SPSB4: variants seen among roughly 807,000 people sequenced by gnomAD.
SPSB4 encodes splA/ryanodine receptor domain and SOCS box containing 4.
A neutral mutation model predicts 20.9 loss-of-function variants in SPSB4; 21 were observed. The observed-to-expected ratio is 1.01, with a 90% CI of 0.71 to 1.45. SPSB4 has a LOEUF of 1.45. Among genes scored for constraint, SPSB4 ranks in the 40% most tolerant of loss-of-function variants. SPSB4 has a pLI of 0.00. For synonymous variants in SPSB4, 207 were observed against 183.8 expected (o/e 1.13, Z -1.02); for missense variants, 399 against 399.2 (o/e 1.00, Z 0.00).
At chr3:141,145,855 C>T (rs1231708594) in intron 2 of SPSB4, among the ~76,000 whole-genome samples, 1 of 152,094 alleles carries the variant, frequency 6.6e-6, no homozygotes, top group Non-Finnish European at 1.5e-5. Flanking sequence ...TTTGCCTTTG[C>T]CTGTTCTCTC....
At chr3:141,055,726 G>T (rs949655437) in intron 1 of SPSB4, among the ~76,000 whole-genome samples, 1 of 152,206 alleles carries the variant, frequency 6.6e-6, no homozygotes, top group Non-Finnish European at 1.5e-5. Flanking sequence ...GCATGTGAGA[G>T]AGGGAAGAGG....
chr3:141,054,971 A>G (rs1406028404), intron 1 of SPSB4, among the ~76,000 whole-genome samples: 2 of 152,216 alleles, frequency 1.3e-5, no homozygotes. Context: ...TCTCAAAAAA[A>G]AAAAAAAAAT....
chr3:141,078,314 T>A (rs905166360), intron 2 of SPSB4, among the ~76,000 whole-genome samples: 1 of 152,202 alleles, frequency 6.6e-6, no homozygotes, highest in Admixed American at 6.5e-5. Context: ...GGAACGTGTG[T>A]GTCACAAGCT....
intron 1 of SPSB4, among the ~76,000 whole-genome samples, chr3:141,055,241 G>A (rs1001803376): frequency 1.4e-4 from 22 of 152,180 alleles, no homozygotes; most frequent in Non-Finnish European, 2.9e-4. Flanking sequence ...GCGGAGGGAA[G>A]AGGATGTAGT....
intron 2 of SPSB4, among the ~76,000 whole-genome samples, chr3:141,134,219 G>A (rs1219268313): frequency 6.6e-6 from 1 of 151,644 alleles, no homozygotes; most frequent in East Asian, 1.9e-4. Flanking sequence ...TTTTAGATGA[G>A]TCTTTAGGGT....
chr3:141,060,734 A>G (rs188138702), intron 1 of SPSB4, among the ~76,000 whole-genome samples: 2 of 152,328 alleles, frequency 1.3e-5, no homozygotes, highest in Non-Finnish European at 2.9e-5. Context: ...GTTTATATCC[A>G]CTTTAGCAAT....
chr3:141,128,376 C>A (rs1163268029), intron 2 of SPSB4, among the ~76,000 whole-genome samples: 1 of 152,156 alleles, frequency 6.6e-6, no homozygotes, highest in African/African-American at 2.4e-5. Flanking sequence ...AAAGCCCTGA[C>A]AAACACTGGG....
chr3:141,126,582 C>A (rs1202434897), intron 2 of SPSB4, among the ~76,000 whole-genome samples: 1 of 152,220 alleles, frequency 6.6e-6, no homozygotes, highest in Non-Finnish European at 1.5e-5. Context: ...GTATCAACCC[C>A]AGAGGATCTT....
intron 2 of SPSB4, among the ~76,000 whole-genome samples, chr3:141,123,126 A>G (rs1460522769): frequency 6.6e-6 from 1 of 152,240 alleles, no homozygotes; most frequent in Non-Finnish European, 1.5e-5. Flanking sequence ...AACTTCTGAT[A>G]TACAGAATTG....
intron 2 of SPSB4, among the ~76,000 whole-genome samples, chr3:141,113,549 T>C (rs1405435186): frequency 2.0e-5 from 3 of 152,258 alleles, no homozygotes; most frequent in African/African-American, 7.2e-5. Context: ...AAAGGTCTCA[T>C]TATATGATTC....
intron 2 of SPSB4, among the ~76,000 whole-genome samples, chr3:141,138,881 G>A (rs1167554430): frequency 6.6e-6 from 1 of 152,106 alleles, no homozygotes; most frequent in South Asian, 2.1e-4. Context: ...TTCAATTCCT[G>A]GATATCCTTG....
chr3:141,135,734 G>T (rs889764847), intron 2 of SPSB4, among the ~76,000 whole-genome samples: 1 of 152,020 alleles, frequency 6.6e-6, no homozygotes, highest in Non-Finnish European at 1.5e-5. Flanking sequence ...TCTTAATCCA[G>T]TCTATCATTG....
chr3:141,129,778 G>A (rs528864068), intron 2 of SPSB4, among the ~76,000 whole-genome samples: 240 of 152,358 alleles, frequency 1.6e-3, no homozygotes, highest in Non-Finnish European at 2.4e-3. Flanking sequence ...CCCTTTGGAG[G>A]CTTCTCACAT....
At chr3:141,088,375 C>G (rs1025689474) in intron 2 of SPSB4, among the ~76,000 whole-genome samples, 2 of 152,194 alleles carry the variant, frequency 1.3e-5, no homozygotes, top group East Asian at 3.8e-4. Flanking sequence ...TGCGTCTTTG[C>G]GCTTTTATGT....
chr3:141,115,371 G>A (rs1938867026), intron 2 of SPSB4: 1 of 152,162 alleles, frequency 6.6e-6, no homozygotes. Flanking sequence ...CTCAGTGCTG[G>A]ATCTGGGCCT....
intron 2 of SPSB4, among the ~76,000 whole-genome samples, chr3:141,088,465 TG>T (rs989007571): frequency 3.9e-5 from 6 of 152,242 alleles, no homozygotes; most frequent in Admixed American, 1.3e-4. Flanking sequence ...AGCAGACTCT[TG>T]GGGTGCCCCC....
At chr3:141,078,646 A>G (rs993516430) in intron 2 of SPSB4, among the ~76,000 whole-genome samples, 2 of 152,344 alleles carry the variant, frequency 1.3e-5, no homozygotes, top group East Asian at 3.9e-4. Flanking sequence ...CAACCTAAGT[A>G]CCAGTGGTAG....
chr3:141,125,009 A>T (rs766468901), intron 2 of SPSB4, among the ~76,000 whole-genome samples: 1 of 152,190 alleles, frequency 6.6e-6, no homozygotes, highest in Admixed American at 6.5e-5. Context: ...CAGAGATCAC[A>T]TGTGACAATG....
chr3:141,079,810 T>C (rs950285041), intron 2 of SPSB4, among the ~76,000 whole-genome samples: 22 of 152,216 alleles, frequency 1.4e-4, no homozygotes, highest in African/African-American at 5.1e-4. Flanking sequence ...GGGAGGGGCA[T>C]TTAAGTGAGA....
Sources: gnomAD v4.1 joint callset for allele counts (sites outside exome capture counted in the v4.1 genomes callset) on GRCh38, gnomAD v4.1.1 for gene constraint, MANE v1.5 for transcripts, NCBI Gene and HGNC (gene_info 2026-07-23, HGNC 2026-07-21) for gene names.